FAM120B: variants seen among roughly 807,000 people sequenced by gnomAD.
The protein encoded by FAM120B is family with sequence similarity 120 member B, also known as constitutive coactivator of peroxisome proliferator-activated receptor gamma.
FAM120B carries 83 observed loss-of-function variants against 96.3 expected under a neutral mutation model. That is an observed-to-expected ratio of 0.86 (90% CI 0.72 to 1.03). The LOEUF (loss-of-function observed/expected upper bound fraction) is 1.03. Ranked by LOEUF, FAM120B falls within the 50% of genes least tolerant of loss-of-function variation. The pLI is 0.00. For missense variants in FAM120B, 1,027 were observed against 1,121.2 expected, an observed-to-expected ratio of 0.92 and a Z score of 1.20; for synonymous variants, 407 against 402.7, an observed-to-expected ratio of 1.01 and a Z score of -0.13.
intron 6 of FAM120B, among the ~76,000 whole-genome samples, chr6:170,368,872 T>C (rs572500621): frequency 1.3e-5 from 2 of 151,812 alleles, no homozygotes; most frequent in South Asian, 4.2e-4. Flanking sequence ...CACTATGTCC[T>C]CATAGGTTGG....
In FAM120B at chr6:170,370,684, A is replaced by G. The variant is rs573488737; in HGVS notation, c.2283+12366A>G. ...CAGAACTGCAGTCAGCAGTTCAGAT[A>G]TTACCTCACCGCATTTCTTATAAAG... On this transcript the variant is annotated intron_variant, in intron 6 of 10. Transcript: ENST00000476287. This position sits in a 1 kb window ranked among gnomAD's most constrained non-coding sequence, Gnocchi z 4.3. 2.8e-4 allele frequency among the ~76,000 whole-genome samples: 42 copies of G among 152,306 alleles called. No individual in the cohort carries two copies. Among genetic ancestry groups the G allele is most frequent in the Non-Finnish European group, 5.7e-4 (39 of 68,026 alleles).
intron 1 of FAM120B, among the ~76,000 whole-genome samples, chr6:170,312,674 A>G (rs372196498): frequency 1.4e-4 from 22 of 152,286 alleles, no homozygotes; most frequent in African/African-American, 5.3e-4. Context: ...TAGAAATTCT[A>G]AAGTGCATAA....
At position 170,317,489 on chromosome 6, in the gene FAM120B, G is replaced by C; in HGVS notation, c.99G>C (p.Lys33Asn). Residue 33 changes from lysine (K) to asparagine (N), a missense_variant, in exon 2 of 11, where the codon AAG (lysine) becomes AAC (asparagine). Coordinates refer to ENST00000476287, the MANE Select transcript of FAM120B (RefSeq NM_032448.3). The part of the protein sequence containing the change: ...FKELAEHHRS[K>N]YPGCTPTIVV... Reference sequence around the variant, plus strand: ...AACTGGCAGAGCACCACCGAAGCAAGTATCCTGGATGTACCCCTACCATTG... The same window carrying C: ...AACTGGCAGAGCACCACCGAAGCAACTATCCTGGATGTACCCCTACCATTG... The C allele has an allele frequency of 3.1e-6, 5 of 1,614,226 alleles. No homozygotes were observed. Among genetic ancestry groups the C allele is most frequent in the East Asian group, 2.2e-5 (1 of 44,882 alleles).
Position 170,404,584 on chromosome 6 carries a change from G to T in FAM120B, c.2727G>T (p.Arg909Ser), listed in dbSNP as rs749321259. 3 of 1,613,538 alleles carry T rather than the reference G, an allele frequency of 1.9e-6. No homozygotes were observed. The highest frequency in any genetic ancestry group is 1.7e-6 in the Non-Finnish European group (2 of 1,179,618). ...AGTATGAGCATGACCAGTGGAGAAG[G>T]TACTAGTCAACCTCCAGGTAAGTTC... is the stretch of plus-strand genomic sequence containing the variant. ...SRQYEHDQWR[R>S]Y The change falls in exon 10 of 11, where the codon AGG becomes AGT. Residue 909 changes from arginine to serine, a missense_variant. Transcript: ENST00000476287.
Position 170,402,505 on chromosome 6 carries a change from G to A in FAM120B, c.2693-2045G>A, listed in dbSNP as rs1778638108. Among the ~76,000 whole-genome samples the A allele has an allele frequency of 1.3e-5, 2 of 152,272 alleles. 1 individual carries two copies. Among genetic ancestry groups the A allele is most frequent in the African/African-American group, 4.8e-5 (2 of 41,480 alleles). On this transcript the variant is annotated intron_variant, in intron 9 of 10. Transcript: ENST00000476287. ...GATGTGAGCAGTGGGCACAGGAGCA[G>A]TGCGGGCACGCTGGCCCTGCTGAGT... is the stretch of plus-strand genomic sequence containing the variant.
At chr6:170,355,484 C>T (rs1277929406) in intron 5 of FAM120B, among the ~76,000 whole-genome samples, 1 of 152,010 alleles carries the variant, frequency 6.6e-6, no homozygotes, top group African/African-American at 2.4e-5. Context: ...CCAAATATTG[C>T]ATGTTCTCAC....
At chr6:170,297,499 A>C (rs1166055015) in intron 1 of FAM120B, among the ~76,000 whole-genome samples, 1 of 152,114 alleles carries the variant, frequency 6.6e-6, no homozygotes, top group East Asian at 1.9e-4. Flanking sequence ...GGGCTGTTTA[A>C]TTTTTCACTA....
rs545736316 is a variant in FAM120B at position 170,361,506 on chromosome 6, G to A, written c.2283+3188G>A. Reference sequence around the variant, plus strand: ...TAAAGGACAAAGGATAGTTGTGCACGTGACGGGAGGCTGCTGTTTTCTGGA... The same window carrying A: ...TAAAGGACAAAGGATAGTTGTGCACATGACGGGAGGCTGCTGTTTTCTGGA... On this transcript the variant is annotated intron_variant, in intron 6 of 10. Transcript: ENST00000476287. Among the ~76,000 whole-genome samples the A allele has an allele frequency of 1.5e-4, 23 of 152,164 alleles. No individual in the cohort carries two copies. In the Middle Eastern group the frequency reaches 0.01, roughly 68 times the overall value.
In FAM120B at chr6:170,348,383, A is replaced by C. The variant is rs934934325; in HGVS notation, c.2190+60A>C. On this transcript the variant is annotated intron_variant, in intron 5 of 10. Coordinates refer to ENST00000476287, the MANE Select transcript of FAM120B (RefSeq NM_032448.3). ...CTGCGCTTACTTTATGAGAGGGAGC[A>C]TGTGGGATATTGCCATGGCTGGTGT... is the stretch of plus-strand genomic sequence containing the variant. The C allele has an allele frequency of 1.7e-5, 25 of 1,481,856 alleles. No homozygotes were observed. In the Admixed American group the frequency reaches 3.4e-4, roughly 20 times the overall value. 91.8% of individuals were successfully genotyped at this position (1,481,856 alleles called of 1,614,324 possible).
intron 6 of FAM120B, among the ~76,000 whole-genome samples, chr6:170,367,970 A>G (rs149896843): frequency 2.0e-4 from 30 of 152,266 alleles, no homozygotes; most frequent in Non-Finnish European, 3.7e-4. Context: ...CACACCTATT[A>G]GGGGGCCTTA....
intron 6 of FAM120B, among the ~76,000 whole-genome samples, chr6:170,360,314 C>G (rs536297670): frequency 6.6e-6 from 1 of 152,046 alleles, no homozygotes; most frequent in Non-Finnish European, 1.5e-5. Flanking sequence ...GATTTAAATG[C>G]AGCAGAAGGT....
At chr6:170,384,844 A>C (rs1790103035) in intron 6 of FAM120B, among the ~76,000 whole-genome samples, 1 of 152,232 alleles carries the variant, frequency 6.6e-6, no homozygotes. Context: ...GTAGGGGGCC[A>C]GTGAAGCCTA....
At chr6:170,378,697 C>G (rs1020234957) in intron 6 of FAM120B, among the ~76,000 whole-genome samples, 2 of 152,190 alleles carry the variant, frequency 1.3e-5, no homozygotes, top group African/African-American at 4.8e-5. Flanking sequence ...GTAGACGGGC[C>G]TGCAAAGGGG....
rs1183454954 is a variant in FAM120B at position 170,388,412 on chromosome 6, T to C, written c.2409T>C (p.Asn803=). The change falls in exon 7 of 11, where the codon AAT becomes AAC. Residue 803 remains asparagine (N), a synonymous_variant. Coordinates refer to ENST00000476287, the MANE Select transcript of FAM120B (RefSeq NM_032448.3). The part of the protein sequence containing the change: ...PWKTSDFMPW[N]VFDGKLFHQK... ...AGACGAGTGATTTCATGCCCTGGAA[T>C]GTATTTGACGGGAAGCTTTTTCATC... 1.9e-6 allele frequency: 3 copies of C among 1,614,188 alleles called. No individual in the cohort carries two copies. The highest frequency in any genetic ancestry group is 2.5e-6 in the Non-Finnish European group (3 of 1,180,034).
chr6:170,303,725 A>G (rs1221290015), upstream of FAM120B, among the ~76,000 whole-genome samples: 38 of 152,226 alleles, frequency 2.5e-4, 1 homozygote, highest in Admixed American at 2.4e-3. Context: ...AAAAATAATT[A>G]TAACACCCCT....
chr6:170,399,336 G>C (rs55869466), intron 9 of FAM120B, among the ~76,000 whole-genome samples: 2 of 141,244 alleles, frequency 1.4e-5, no homozygotes, highest in East Asian at 4.5e-4. Flanking sequence ...GAGAAAGGTA[G>C]AACTATGTCA....
At chr6:170,352,126 C>A (rs1265646919) in intron 5 of FAM120B, among the ~76,000 whole-genome samples, 1 of 152,136 alleles carries the variant, frequency 6.6e-6, no homozygotes, top group Non-Finnish European at 1.5e-5. Flanking sequence ...CAGAAAAAAG[C>A]AGAGGTTGCA....
At chr6:170,403,626 C>T (rs1176266952) in intron 9 of FAM120B, among the ~76,000 whole-genome samples, 1 of 152,142 alleles carries the variant, frequency 6.6e-6, no homozygotes, top group Non-Finnish European at 1.5e-5. Context: ...GCCCCGAGAA[C>T]AAAGGCTGCT....
In FAM120B at chr6:170,404,887, C is replaced by G. The variant is rs904269168; in HGVS notation, c.*136C>G. ...AGGCCTCGCTTGCATGAAGAAGGAA[C>G]GATGCCTTTTTCAATGGTGTCTCCC... is the stretch of plus-strand genomic sequence containing the variant. On this transcript the variant is annotated 3_prime_UTR_variant, in exon 11 of 11. Transcript: ENST00000476287. The G allele has an allele frequency of 2.7e-5, 11 of 408,850 alleles. No homozygotes were observed. Among genetic ancestry groups the G allele is most frequent in the Non-Finnish European group, 4.4e-5 (10 of 227,456 alleles). The allele number at this position is 408,850 out of a possible 1,614,324, so 25.3% of individuals were successfully genotyped here.
Sources: gnomAD v4.1 joint callset for allele counts (sites outside exome capture counted in the v4.1 genomes callset) on GRCh38, gnomAD v4.1.1 for gene constraint, Gnocchi (gnomAD v3.1) non-coding constraint, MANE v1.5 for transcripts, NCBI Gene and HGNC (gene_info 2026-07-23, HGNC 2026-07-21) for gene names.